PRIMA1: variants seen among roughly 807,000 people sequenced by gnomAD.
The protein encoded by PRIMA1 is proline rich membrane anchor 1, also known as proline-rich membrane anchor 1.
PRIMA1 carries 7 observed loss-of-function variants against 17.5 expected under a neutral mutation model. The observed-to-expected ratio is 0.40, with a 90% CI of 0.23 to 0.75. The LOEUF is 0.75. PRIMA1 is among the 30% of genes least tolerant of loss of function. PRIMA1 has a pLI of 0.37. For synonymous variants in PRIMA1, 97 were observed against 77.9 expected (o/e 1.25, Z -1.29); for missense variants, 200 against 201.8 (o/e 0.99, Z 0.05).
At chr14:93,730,404 G>C (rs1235679498) in intron 4 of PRIMA1, among the ~76,000 whole-genome samples, 1 of 152,226 alleles carries the variant, frequency 6.6e-6, no homozygotes, top group African/African-American at 2.4e-5. Flanking sequence ...CATTTGAGTT[G>C]GGTCTCCAGG....
intron 2 of PRIMA1, among the ~76,000 whole-genome samples, chr14:93,786,394 C>T (rs1432983408): frequency 2.0e-5 from 3 of 152,172 alleles, no homozygotes; most frequent in Non-Finnish European, 2.9e-5. Context: ...TGCTGAGCAG[C>T]GTCTGAACCT....
chr14:93,729,019 T>G (rs1306958825), intron 4 of PRIMA1, among the ~76,000 whole-genome samples: 1 of 152,054 alleles, frequency 6.6e-6, no homozygotes, highest in Non-Finnish European at 1.5e-5. Context: ...GGATGGAGGA[T>G]GTGGGTGTGA....
At chr14:93,747,151 T>A (rs1345421969) in intron 3 of PRIMA1, among the ~76,000 whole-genome samples, 1 of 152,014 alleles carries the variant, frequency 6.6e-6, no homozygotes, top group Admixed American at 6.5e-5. Context: ...CTGGGGCACC[T>A]CAACATGAGG....
intron 2 of PRIMA1, among the ~76,000 whole-genome samples, chr14:93,782,455 C>T (rs917914405): frequency 6.9e-5 from 10 of 144,206 alleles, no homozygotes; most frequent in Non-Finnish European, 7.6e-5. Context: ...CTCATCTCTA[C>T]AAATTTTTTT....
chr14:93,743,775 C>T (rs1052614523), intron 3 of PRIMA1, among the ~76,000 whole-genome samples: 4 of 152,218 alleles, frequency 2.6e-5, no homozygotes, highest in South Asian at 4.1e-4. Context: ...TCTCATGGCA[C>T]CGCTGGTCCT....
chr14:93,785,827 G>T (rs1281214442), intron 2 of PRIMA1, among the ~76,000 whole-genome samples: 2 of 151,924 alleles, frequency 1.3e-5, no homozygotes, highest in Non-Finnish European at 2.9e-5. Flanking sequence ...TATGAAAATT[G>T]ATTTGTATTG....
intron 3 of PRIMA1, among the ~76,000 whole-genome samples, chr14:93,773,186 A>C (rs1885117297): frequency 6.6e-6 from 1 of 152,220 alleles, no homozygotes; most frequent in Admixed American, 6.5e-5. Context: ...TTGAGCACAA[A>C]GTTTCTGCCC....
At chr14:93,788,022 C>T (rs1885576232) in intron 1 of PRIMA1, among the ~76,000 whole-genome samples, 1 of 152,206 alleles carries the variant, frequency 6.6e-6, no homozygotes, top group Non-Finnish European at 1.5e-5. Flanking sequence ...ACCTTGGCCC[C>T]ATGGACACCT....
intron 3 of PRIMA1, among the ~76,000 whole-genome samples, chr14:93,739,112 G>A (rs995985257): frequency 2.6e-5 from 4 of 151,748 alleles, no homozygotes; most frequent in African/African-American, 9.7e-5. Flanking sequence ...GAGTGCAGTG[G>A]CACGATCTCA....
At chr14:93,722,359 AGTGGTGAT>A (rs2076044937) in intron 4 of PRIMA1, among the ~76,000 whole-genome samples, 8 of 21,592 alleles carry the variant, frequency 3.7e-4, no homozygotes, top group African/African-American at 9.2e-4. Flanking sequence ...TGATGGTGGT[AGTGGTGAT>A]GCTGGTGGTA....
intron 4 of PRIMA1, among the ~76,000 whole-genome samples, chr14:93,732,626 T>C (rs916777041): frequency 5.9e-5 from 9 of 152,358 alleles, no homozygotes; most frequent in African/African-American, 2.2e-4. Context: ...CACCTGGTCC[T>C]GGCACCTGGC....
chr14:93,748,177 G>A (rs2076238032), intron 3 of PRIMA1, among the ~76,000 whole-genome samples: 1 of 152,144 alleles, frequency 6.6e-6, no homozygotes, highest in African/African-American at 2.4e-5. Context: ...CCAGGCGAGG[G>A]GGAAGAGCTG....
At chr14:93,747,990 G>A (rs1241762947) in intron 3 of PRIMA1, among the ~76,000 whole-genome samples, 1 of 151,056 alleles carries the variant, frequency 6.6e-6, no homozygotes, top group African/African-American at 2.4e-5. Context: ...AGTTGGGACT[G>A]AGTGGGAGAG....
In PRIMA1 at chr14:93,724,430, T is replaced by C. The variant is rs537939510; in HGVS notation, c.360-2884A>G. On this transcript the variant is annotated intron_variant, in intron 4 of 4. Coordinates refer to ENST00000393140, the MANE Select transcript of PRIMA1 (RefSeq NM_178013.4). Reference sequence around the variant, plus strand: ...GGGATCCATGGGAAATGATGGACTCTGCAGCCAAGCTCTGCCCTGGGCCTT... The same window carrying C: ...GGGATCCATGGGAAATGATGGACTCCGCAGCCAAGCTCTGCCCTGGGCCTT... Among the ~76,000 whole-genome samples, 305 of 152,350 alleles carry C rather than the reference T, an allele frequency of 2.0e-3. 3 individuals are homozygous for C. Among genetic ancestry groups the C allele is most frequent in the African/African-American group, 7.2e-3 (298 of 41,584 alleles).
At position 93,726,851 on chromosome 14, in the gene PRIMA1, A is replaced by G. The variant is rs28544920; in HGVS notation, c.360-5305T>C. Among the ~76,000 whole-genome samples, 47,871 of 152,110 alleles carry G rather than the reference A, an allele frequency of 0.31. 7,793 individuals are homozygous for G. Among genetic ancestry groups the G allele is most frequent in the African/African-American group, 0.39 (16,263 of 41,494 alleles). Reference sequence around the variant, plus strand: ...CACATACACACATGTCCCTACACACATATGCACACATACACATATGTGCAC... The same window carrying G: ...CACATACACACATGTCCCTACACACGTATGCACACATACACATATGTGCAC... On this transcript the variant is annotated intron_variant, in intron 4 of 4. Transcript: ENST00000393140. The surrounding 1 kb of genome is among the most constrained non-coding windows in gnomAD (Gnocchi z 4.2).
rs923071915 is a variant in PRIMA1 at position 93,721,253 on chromosome 14, G to A, written c.*191C>T. 4.6e-5 allele frequency: 26 copies of A among 564,914 alleles called. No homozygotes were observed. Among genetic ancestry groups the A allele is most frequent in the Non-Finnish European group, 6.9e-5 (22 of 318,054 alleles). 35.0% of individuals were successfully genotyped at this position (564,914 alleles called of 1,614,324 possible). A position where few individuals can be genotyped will look rare whatever the true frequency, so the allele number is the denominator to read the frequency against. Reference sequence around the variant, plus strand: ...CTGCGCCGGGCTCAGCCTGGTGTCCGAGCTGCCTGGGCCCGCAGGCTGACC... The same window carrying A: ...CTGCGCCGGGCTCAGCCTGGTGTCCAAGCTGCCTGGGCCCGCAGGCTGACC... On this transcript the variant is annotated 3_prime_UTR_variant, in exon 5 of 5. Transcript: ENST00000393140.
intron 3 of PRIMA1, among the ~76,000 whole-genome samples, chr14:93,746,695 G>A (rs572379034): frequency 6.6e-6 from 1 of 152,134 alleles, no homozygotes; most frequent in Non-Finnish European, 1.5e-5. Context: ...GGGAGGCTGC[G>A]GGGATACTGC....
chr14:93,780,849 G>T (rs974711045), intron 2 of PRIMA1, among the ~76,000 whole-genome samples: 4 of 152,206 alleles, frequency 2.6e-5, no homozygotes, highest in Admixed American at 2.6e-4. Context: ...AGCACAAAGA[G>T]TTGCCAGTCA....
rs114196824 is a variant in PRIMA1 at position 93,755,242 on chromosome 14, C to A, written c.230-17872G>T. On this transcript the variant is annotated intron_variant, in intron 3 of 4. Coordinates refer to ENST00000393140, the MANE Select transcript of PRIMA1 (RefSeq NM_178013.4). ...TGTGTGTGTGTGTGTATATATGTATCCTGAGTGCGAGCACCCTGCACACGC... is the reference window on the plus strand; with the variant it reads ...TGTGTGTGTGTGTGTATATATGTATACTGAGTGCGAGCACCCTGCACACGC... Among the ~76,000 whole-genome samples, 931 of 152,256 alleles carry A rather than the reference C, an allele frequency of 6.1e-3. 5 individuals carry two copies. Among genetic ancestry groups the A allele is most frequent in the African/African-American group, 0.021 (892 of 41,538 alleles).
Sources: gnomAD v4.1 joint callset for allele counts (sites outside exome capture counted in the v4.1 genomes callset) on GRCh38, gnomAD v4.1.1 for gene constraint, Gnocchi (gnomAD v3.1) non-coding constraint, MANE v1.5 for transcripts, NCBI Gene and HGNC (gene_info 2026-07-23, HGNC 2026-07-21) for gene names.